The following HLA-DQB2 variants were observed in gnomAD, a reference collection of about 807,000 sequenced individuals.
HLA-DQB2 encodes major histocompatibility complex, class II, DQ beta 2, also known as HLA class II histocompatibility antigen, DQ beta 2 chain.
HLA-DQB2 carries 24 observed loss-of-function variants against 29.2 expected under a neutral mutation model. That is an observed-to-expected ratio of 0.82 (90% CI 0.60 to 1.16). The LOEUF is 1.16. Among genes scored for constraint, HLA-DQB2 ranks in the 50% most tolerant of loss-of-function variants. The pLI is 0.00. For synonymous variants in HLA-DQB2, 104 were observed against 133.1 expected (o/e 0.78, Z 1.51); for missense variants, 273 against 343.6 (o/e 0.79, Z 1.62).
In HLA-DQB2 at chr6:32,758,133, A is replaced by G. The variant is rs1474929291; in HGVS notation, c.647-250T>C. Among the ~76,000 whole-genome samples, 5 of 144,248 alleles carry G rather than the reference A, an allele frequency of 3.5e-5. No homozygotes were observed. In the South Asian group the frequency reaches 8.7e-4, roughly 25 times the overall value. 94.6% of individuals were successfully genotyped at this position (144,248 alleles called of 152,430 possible). On this transcript the variant is annotated intron_variant, in intron 3 of 5. Coordinates refer to ENST00000437316, the MANE Select transcript of HLA-DQB2 (RefSeq NM_001300790.2). ...CACCAGCCCTAAGTCAGTCTCTCATAGCTGTCAGAGCTGGTTCTGGGGCTT... is the reference window on the plus strand; with the variant it reads ...CACCAGCCCTAAGTCAGTCTCTCATGGCTGTCAGAGCTGGTTCTGGGGCTT...
At chr6:32,757,237 T>C in intron 5 of HLA-DQB2, 44 bp downstream of exon 5, 1 of 1,550,142 alleles carries the variant, frequency 6.5e-7, no homozygotes, top group Non-Finnish European at 8.7e-7. Context: ...TTCCCTCTTA[T>C]GCCTGTGCCC....
intron 3 of HLA-DQB2, 137 bp downstream of exon 3, chr6:32,758,713 C>T: frequency 2.1e-6 from 2 of 953,530 alleles, no homozygotes; most frequent in Non-Finnish European, 3.1e-6. Context: ...TGCCATGGGG[C>T]AACAGGTGCT....
At position 32,761,779 on chromosome 6, in the gene HLA-DQB2, C is replaced by G. The variant is rs1445441199; in HGVS notation, c.245G>C (p.Gly82Ala). 7 of 1,583,202 alleles carry G rather than the reference C, an allele frequency of 4.4e-6. No homozygotes were observed. The highest frequency in any genetic ancestry group is 6.0e-6 in the Non-Finnish European group (7 of 1,164,994). Residue 82 changes from glycine to alanine, a missense_variant, in exon 2 of 6, where the codon GGG (glycine) becomes GCG (alanine). Physicochemically the swap from Gly to Ala is moderately conservative, Grantham distance 60. Transcript: ENST00000437316. ...VGEFQAVTELGRSIEDWNNYK... is the reference protein window; with the variant it reads ...VGEFQAVTELARSIEDWNNYK... ...GTTGTTCCAGTCCTCGATGCTCCGC[C>G]CCAGCTCGGTCACCGCCTGGAACTC...
chr6:32,760,730 G>A (rs1764709531), intron 2 of HLA-DQB2, among the ~76,000 whole-genome samples: 1 of 151,220 alleles, frequency 6.6e-6, no homozygotes, highest in Non-Finnish European at 1.5e-5. Flanking sequence ...TGTGCCATTT[G>A]TTCAGCTTTT....
At chr6:32,763,130 C>G (rs960151063) in intron 1 of HLA-DQB2, among the ~76,000 whole-genome samples, 3 of 152,198 alleles carry the variant, frequency 2.0e-5, no homozygotes, top group African/African-American at 7.2e-5. Context: ...TGAATGCACA[C>G]TTTGTCTCCT....
chr6:32,757,303 TC>T lies in HLA-DQB2; in HGVS notation c.758del (p.Gly253AspfsTer15). The T allele has an allele frequency of 6.5e-7, 1 of 1,548,816 alleles. No individual in the cohort carries two copies. The highest frequency in any genetic ancestry group is 8.7e-7 in the Non-Finnish European group (1 of 1,145,504). On this transcript the variant is annotated frameshift_variant and splice_region_variant, in exon 5 of 6. Coordinates refer to ENST00000437316, the MANE Select transcript of HLA-DQB2 (RefSeq NM_001300790.2). LOFTEE classifies it high-confidence loss of function. Reference protein sequence around the residue: ...GLIIRHRGQKGPRGPPPAGLL... With the variant: ...GLIIRHRGQKXPRGPPPAGLL... ...TACCTGCTGGTGGAGGCCCTCGAGG[TC>T]CTACAAAAGGAAGTTATACAGAGAA...
At chr6:32,759,746 T>G (rs1359172930) in intron 2 of HLA-DQB2, among the ~76,000 whole-genome samples, 1 of 152,274 alleles carries the variant, frequency 6.6e-6, no homozygotes, top group Admixed American at 6.5e-5. Context: ...ATTACTTTCT[T>G]GTTCTGAAAT....
At chr6:32,756,502 T>C (rs776076957) in intron 5 of HLA-DQB2, 36 bp from the exon 6 acceptor site, 6 of 1,564,926 alleles carry the variant, frequency 3.8e-6, no homozygotes, top group Non-Finnish European at 5.2e-6. Flanking sequence ...CAGCACAGGG[T>C]ACCCTGAGGG....
chr6:32,761,722 G>A lies in HLA-DQB2; in HGVS notation c.302C>T (p.Ala101Val), dbSNP rs1183220831. 1 of 1,553,746 alleles carries A rather than the reference G, an allele frequency of 6.4e-7. No individual in the cohort carries two copies. The highest frequency in any genetic ancestry group is 8.7e-7 in the Non-Finnish European group (1 of 1,148,522). Residue 101 changes from alanine to valine, a missense_variant, in exon 2 of 6, where the codon GCG (alanine) becomes GTG (valine). Ala to Val is a moderately conservative substitution (Grantham distance 64, BLOSUM62 0). Transcript: ENST00000437316. ...YKDFLEQERA[A>V]VDKVCRHNYE... is the part of the protein sequence containing the mutation. ...GTTGTGTCTGCACACCTTGTCCACC[G>A]CGGCCCGCTCCTGCTCCAAGAAGTC...
Position 32,758,906 on chromosome 6 carries a change from A to C in HLA-DQB2, c.590T>G (p.Ile197Ser), listed in dbSNP as rs1327642666. Residue 197 changes from isoleucine to serine, a missense_variant, in exon 3 of 6, where the codon ATC becomes AGC. Coordinates refer to ENST00000437316, the MANE Select transcript of HLA-DQB2 (RefSeq NM_001300790.2). Reference sequence around the variant, plus strand: ...GGGGTGCTCCACTTGGCAGGTGTAGATGTCTCCACGCTGGGGAGTTATTTC... The same window carrying C: ...GGGGTGCTCCACTTGGCAGGTGTAGCTGTCTCCACGCTGGGGAGTTATTTC... Reference protein sequence around the residue: ...MLEITPQRGDIYTCQVEHPSL... With the variant: ...MLEITPQRGDSYTCQVEHPSL... 1 of 1,614,074 alleles carries C rather than the reference A, an allele frequency of 6.2e-7. No individual in the cohort carries two copies. The highest frequency in any genetic ancestry group is 8.5e-7 in the Non-Finnish European group (1 of 1,180,000).
intron 3 of HLA-DQB2, among the ~76,000 whole-genome samples, chr6:32,758,573 T>C (rs2113927143): frequency 6.6e-6 from 1 of 152,320 alleles, no homozygotes; most frequent in African/African-American, 2.4e-5. Context: ...CAATTAAACC[T>C]CTTTTCTTTA....
In HLA-DQB2 at chr6:32,756,179, T is replaced by G; in HGVS notation, c.*274A>C. The G allele has an allele frequency of 2.0e-6, 1 of 497,976 alleles. No individual in the cohort carries two copies. The highest frequency in any genetic ancestry group is 3.5e-6 in the Non-Finnish European group (1 of 282,070). The allele number at this position is 497,976 out of a possible 1,614,324, so 30.8% of individuals were successfully genotyped here. A position where few individuals can be genotyped will look rare whatever the true frequency, so the allele number is the denominator to read the frequency against. The stretch of plus-strand genomic sequence containing the variant: ...TGTTTGTCATGCTTCTCTTGACAGG[T>G]CTGTGGGGGGAGAATGGAAACAGAG... On this transcript the variant is annotated 3_prime_UTR_variant, in exon 6 of 6. Coordinates refer to ENST00000437316, the MANE Select transcript of HLA-DQB2 (RefSeq NM_001300790.2).
In HLA-DQB2 at chr6:32,763,264, G is replaced by A. The variant is rs977998278; in HGVS notation, c.97+110C>T. The stretch of plus-strand genomic sequence containing the variant: ...CTATTTCCCAAAAAGAATAAATGGT[G>A]ATAAAAGACTGTGTTCTGAGATCAT... On this transcript the variant is annotated intron_variant, in intron 1 of 5. Transcript: ENST00000437316. 3 of 648,024 alleles carry A rather than the reference G, an allele frequency of 4.6e-6. No homozygotes were observed. In the African/African-American group the frequency reaches 5.5e-5, roughly 12 times the overall value. 40.1% of individuals were successfully genotyped at this position (648,024 alleles called of 1,614,324 possible). A position where few individuals can be genotyped will look rare whatever the true frequency, so the allele number is the denominator to read the frequency against.
In HLA-DQB2 at chr6:32,761,866, C is replaced by A; in HGVS notation, c.158G>T (p.Arg53Leu). The change falls in exon 2 of 6, where the codon CGC becomes CTC. Residue 53 changes from arginine to leucine, a missense_variant. Coordinates refer to ENST00000437316, the MANE Select transcript of HLA-DQB2 (RefSeq NM_001300790.2). Reference protein sequence around the residue: ...CYFTNGTERVRGVARYIYNRE... With the variant: ...CYFTNGTERVLGVARYIYNRE... ...GTTATAGATGTATCTGGCCACACCG[C>A]GCACGCGCTCTGTCCCGTTGGTGAA... 1 of 1,611,974 alleles carries A rather than the reference C, an allele frequency of 6.2e-7. No homozygotes were observed. The highest frequency in any genetic ancestry group is 1.1e-5 in the South Asian group (1 of 90,626).
At position 32,763,100 on chromosome 6, in the gene HLA-DQB2, T is replaced by C. The variant is rs111665896; in HGVS notation, c.97+274A>G. On this transcript the variant is annotated intron_variant, in intron 1 of 5. Coordinates refer to ENST00000437316, the MANE Select transcript of HLA-DQB2 (RefSeq NM_001300790.2). The stretch of plus-strand genomic sequence containing the variant: ...GCATAACCGTGGAGTGCCATGGTCA[T>C]TTTGTCCTGTCACAGGTAGTGAATG... Among the ~76,000 whole-genome samples, 452 of 151,376 alleles carry C rather than the reference T, an allele frequency of 3.0e-3. 2 individuals carry two copies. The highest frequency in any genetic ancestry group is 0.01 in the African/African-American group (429 of 41,430).
intron 5 of HLA-DQB2, chr6:32,756,896 G>C: frequency 8.4e-7 from 1 of 1,187,258 alleles, no homozygotes; most frequent in Middle Eastern, 3.5e-4. Context: ...GTTAAGGCCT[G>C]GTTCTAGGAA....
Position 32,758,862 on chromosome 6 carries a change from T to A in HLA-DQB2, c.634A>T (p.Thr212Ser). Reference sequence around the variant, plus strand: ...AGTTTCCCCTTACGCCACTCCACGGTGATGGGGCTCTGGAGGCTGGGGTGC... The same window carrying A: ...AGTTTCCCCTTACGCCACTCCACGGAGATGGGGCTCTGGAGGCTGGGGTGC... ...VEHPSLQSPI[T>S]VEWRAQSESA... Residue 212 changes from threonine (T) to serine (S), a missense_variant, in exon 3 of 6, where the codon ACC becomes TCC. Physicochemically the swap from Thr to Ser is moderately conservative, Grantham distance 58. Coordinates refer to ENST00000437316, the MANE Select transcript of HLA-DQB2 (RefSeq NM_001300790.2). 1 of 1,613,698 alleles carries A rather than the reference T, an allele frequency of 6.2e-7. No homozygotes were observed. The highest frequency in any genetic ancestry group is 8.5e-7 in the Non-Finnish European group (1 of 1,179,778).
rs1409156089 is a variant in HLA-DQB2 at position 32,756,196 on chromosome 6, G to A, written c.*257C>T. The A allele has an allele frequency of 7.8e-6, 4 of 512,084 alleles. No individual in the cohort carries two copies. In the East Asian group the frequency reaches 1.2e-4, roughly 15 times the overall value. The allele number at this position is 512,084 out of a possible 1,614,324, so 31.7% of individuals were successfully genotyped here. On this transcript the variant is annotated 3_prime_UTR_variant, in exon 6 of 6. Transcript: ENST00000437316. ...TTGACAGGTCTGTGGGGGGAGAATGGAAACAGAGATGCCCCTTGGGGCCTG... is the reference window on the plus strand; with the variant it reads ...TTGACAGGTCTGTGGGGGGAGAATGAAAACAGAGATGCCCCTTGGGGCCTG...
At position 32,761,674 on chromosome 6, in the gene HLA-DQB2, G is replaced by A. The variant is rs987905704; in HGVS notation, c.350C>T (p.Thr117Ile). The change falls in exon 2 of 6, where the codon ACC becomes ATC. Residue 117 changes from threonine (T) to isoleucine (I), a missense_variant. Transcript: ENST00000437316. ...ACGACGCTCACCTTGCCGCTGCAAG[G>A]TCGTGCGCAGCTCCGCCTCGTAGTT... ...RHNYEAELRT[T>I]LQRQVEPTVT... 5.2e-6 allele frequency: 8 copies of A among 1,549,674 alleles called. No individual in the cohort carries two copies. The highest frequency in any genetic ancestry group is 6.1e-6 in the Non-Finnish European group (7 of 1,147,274).
Sources: gnomAD v4.1 joint callset for allele counts (sites outside exome capture counted in the v4.1 genomes callset) on GRCh38, gnomAD v4.1.1 for gene constraint, MANE v1.5 for transcripts, NCBI Gene and HGNC (gene_info 2026-07-23, HGNC 2026-07-21) for gene names.